PHF21A: variants seen among roughly 807,000 people sequenced by gnomAD.
The protein encoded by PHF21A is BHC80a.
PHF21A carries 11 observed loss-of-function variants against 82.5 expected under a neutral mutation model. That is an observed-to-expected ratio of 0.13 (90% CI 0.08 to 0.22). The LOEUF (loss-of-function observed/expected upper bound fraction) is 0.22, where lower values mean the gene tolerates loss of function less well. Ranked by LOEUF, PHF21A falls within the 10% of genes least tolerant of loss-of-function variation. The pLI is 1.00. For missense variants in PHF21A, 579 were observed against 837.8 expected (o/e 0.69, Z 3.81); for synonymous variants, 297 against 302.8 (o/e 0.98, Z 0.20).
At chr11:45,964,748 A>G (rs745538665) in intron 10 of PHF21A, among the ~76,000 whole-genome samples, 15 of 152,178 alleles carry the variant, frequency 9.9e-5, no homozygotes, top group Non-Finnish European at 1.8e-4. Flanking sequence ...GTTTTTTAAG[A>G]TAAAATCTGA....
chr11:46,117,864 A>G (rs1851799891), intron 1 of PHF21A: 1 of 152,214 alleles, frequency 6.6e-6, no homozygotes, highest in Non-Finnish European at 1.5e-5. Context: ...GTACAGTCAA[A>G]GACTTCACTT....
At chr11:45,951,003 A>T (rs1032654822) in intron 11 of PHF21A, among the ~76,000 whole-genome samples, 2 of 152,062 alleles carry the variant, frequency 1.3e-5, no homozygotes, top group African/African-American at 2.4e-5. Context: ...TCTGAAGACC[A>T]CTCTTAGGGC....
At chr11:46,069,975 A>C (rs1371443432) in intron 6 of PHF21A, among the ~76,000 whole-genome samples, 1 of 152,228 alleles carries the variant, frequency 6.6e-6, no homozygotes, top group Non-Finnish European at 1.5e-5. Flanking sequence ...TCCTCAATGC[A>C]TAATCCAAAC....
chr11:46,095,558 T>C (rs1008805120), intron 1 of PHF21A, among the ~76,000 whole-genome samples: 8 of 152,182 alleles, frequency 5.3e-5, no homozygotes, highest in East Asian at 1.9e-4. Context: ...AACGGAAGAT[T>C]GTTCACCTCT....
At chr11:46,002,986 A>G (rs2095188162) in intron 6 of PHF21A, among the ~76,000 whole-genome samples, 2 of 152,286 alleles carry the variant, frequency 1.3e-5, no homozygotes, top group East Asian at 3.9e-4. Flanking sequence ...TGCTACAGAA[A>G]TTTTTCTAAA....
chr11:45,962,021 A>G (rs1352013772), intron 10 of PHF21A, among the ~76,000 whole-genome samples: 1 of 152,192 alleles, frequency 6.6e-6, no homozygotes, highest in Non-Finnish European at 1.5e-5. Context: ...CACTGCTGTT[A>G]TAACTGGCAT....
intron 14 of PHF21A, among the ~76,000 whole-genome samples, chr11:45,948,510 C>T (rs961765898): frequency 7.9e-5 from 12 of 152,210 alleles, no homozygotes; most frequent in Non-Finnish European, 1.5e-4. Flanking sequence ...ACAACCAAGA[C>T]GCTATTAGGA....
At chr11:45,946,728 T>C (rs1299246725) in intron 14 of PHF21A, among the ~76,000 whole-genome samples, 19 of 152,242 alleles carry the variant, frequency 1.2e-4, no homozygotes, top group Admixed American at 1.1e-3. Flanking sequence ...TTCTCTGCAA[T>C]CAGCATTCTC....
At chr11:45,938,897 G>T (rs1254671624) in intron 15 of PHF21A, among the ~76,000 whole-genome samples, 1 of 151,428 alleles carries the variant, frequency 6.6e-6, no homozygotes, top group Admixed American at 6.6e-5. Flanking sequence ...GCAGTGGCGC[G>T]ATCTCAGCTC....
chr11:45,982,912 C>G (rs889432992), intron 6 of PHF21A, among the ~76,000 whole-genome samples: 1 of 152,114 alleles, frequency 6.6e-6, no homozygotes, highest in Admixed American at 6.6e-5. Flanking sequence ...AATTACTATA[C>G]CAGTCACAAA....
In PHF21A at chr11:46,040,592, C is replaced by T. The variant is rs148380174; in HGVS notation, c.153+36162G>A. On this transcript the variant is annotated intron_variant, in intron 6 of 18. Transcript: ENST00000676320. ...GAAAATTAGGGTTTAGCAACTAATA[C>T]AATCTAGTGCACCAAAAATAACAGT... Among the ~76,000 whole-genome samples the T allele has an allele frequency of 2.3e-3, 350 of 152,178 alleles. 1 individual carries two copies. The highest frequency in any genetic ancestry group is 7.9e-3 in the African/African-American group (328 of 41,512).
At chr11:46,066,179 G>T (rs1247567114) in intron 6 of PHF21A, among the ~76,000 whole-genome samples, 1 of 152,178 alleles carries the variant, frequency 6.6e-6, no homozygotes, top group East Asian at 1.9e-4. Flanking sequence ...GCTGTTAGAG[G>T]TAACAAAGGT....
intron 6 of PHF21A, among the ~76,000 whole-genome samples, chr11:46,042,779 T>C (rs576084825): frequency 1.2e-4 from 18 of 152,150 alleles, no homozygotes; most frequent in African/African-American, 4.3e-4. Context: ...CCTTCTGCCA[T>C]AGATAGCACC....
chr11:46,118,760 T>C (rs570243131), intron 1 of PHF21A: 2 of 152,228 alleles, frequency 1.3e-5, no homozygotes, highest in African/African-American at 2.4e-5. Flanking sequence ...AAATGAATAA[T>C]AGTATTTCCA....
At chr11:46,041,715 T>C (rs1306813772) in intron 6 of PHF21A, among the ~76,000 whole-genome samples, 4 of 152,166 alleles carry the variant, frequency 2.6e-5, no homozygotes, top group Non-Finnish European at 5.9e-5. Flanking sequence ...ATTTCAAACA[T>C]ACATAAAAGT....
chr11:46,094,792 C>T (rs796368678), intron 1 of PHF21A, among the ~76,000 whole-genome samples: 43 of 152,082 alleles, frequency 2.8e-4, no homozygotes, highest in Admixed American at 9.2e-4. Flanking sequence ...CTCAGCTACT[C>T]GGGAGGCTGT....
chr11:46,107,422 T>A (rs1417737844), intron 1 of PHF21A, among the ~76,000 whole-genome samples: 1 of 152,184 alleles, frequency 6.6e-6, no homozygotes, highest in Non-Finnish European at 1.5e-5. Context: ...TCTGAGCCAC[T>A]CAAAAGGAAA....
At chr11:45,935,114 T>C (rs1330501140) in intron 18 of PHF21A, 3 of 1,289,182 alleles carry the variant, frequency 2.3e-6, no homozygotes, top group Non-Finnish European at 2.0e-6. Flanking sequence ...GGCTGGGCAG[T>C]ACTTACTTCC....
intron 6 of PHF21A, among the ~76,000 whole-genome samples, chr11:46,015,132 C>T (rs2095491834): frequency 6.6e-6 from 1 of 152,012 alleles, no homozygotes; most frequent in Admixed American, 6.6e-5. Flanking sequence ...TTGTTGACTG[C>T]TTGTATGTCT....
Sources: gnomAD v4.1 joint callset for allele counts (sites outside exome capture counted in the v4.1 genomes callset) on GRCh38, gnomAD v4.1.1 for gene constraint, MANE v1.5 for transcripts, NCBI Gene and HGNC (gene_info 2026-07-23, HGNC 2026-07-21) for gene names.